TAF1B: variants seen among roughly 807,000 people sequenced by gnomAD.
The protein encoded by TAF1B is TATA box-binding protein-associated factor RNA polymerase I subunit B.
A neutral mutation model predicts 83.9 loss-of-function variants in TAF1B; 61 were observed. That is an observed-to-expected ratio of 0.73 (90% CI 0.59 to 0.90). The LOEUF (loss-of-function observed/expected upper bound fraction) is 0.90, where lower values mean the gene tolerates loss of function less well. TAF1B is among the 40% of genes least tolerant of loss of function. TAF1B has a pLI of 0.00. For missense variants in TAF1B, 625 were observed against 677.0 expected (o/e 0.92, Z 0.85); for synonymous variants, 221 against 224.6 (o/e 0.98, Z 0.14).
Position 9,919,458 on chromosome 2 carries a change from C to CA in TAF1B, c.1343-140_1343-139insA. On this transcript the variant is annotated intron_variant, in intron 13 of 14. Coordinates refer to ENST00000263663, the MANE Select transcript of TAF1B (RefSeq NM_005680.3). ...CTCATCCAGTTTCATTTTCCCTTAA[C>CA]GTTATCCTGTTACATTACTGTGGTA... 3 of 715,806 alleles carry CA rather than the reference C, an allele frequency of 4.2e-6. No homozygotes were observed. In the Admixed American group the frequency reaches 7.9e-5, roughly 19 times the overall value. The allele number at this position is 715,806 out of a possible 1,614,324, so 44.3% of individuals were successfully genotyped here. A position where few individuals can be genotyped will look rare whatever the true frequency, so the allele number is the denominator to read the frequency against.
intron 7 of TAF1B, among the ~76,000 whole-genome samples, chr2:9,879,587 C>T (rs115478232): frequency 1.3e-3 from 203 of 152,094 alleles, no homozygotes; most frequent in African/African-American, 4.6e-3. Context: ...ACTGGCATTC[C>T]GGGTAGAAGG....
At position 9,927,097 on chromosome 2, in the gene TAF1B, AC is replaced by A. The variant is rs533056781; in HGVS notation, c.1566-6685del. 4.3e-3 allele frequency among the ~76,000 whole-genome samples: 517 copies of A among 119,214 alleles called. 1 individual carries two copies. Among genetic ancestry groups the A allele is most frequent in the Middle Eastern group, 0.014 (2 of 142 alleles). The allele number at this position is 119,214 out of a possible 152,430, so 78.2% of individuals were successfully genotyped here. ...CAAGTGTTCTCATTGTTCAATTCCC[AC>A]TTATGAGTGAGAACATATGGTGTTT... On this transcript the variant is annotated intron_variant, in intron 14 of 14. Coordinates refer to ENST00000263663, the MANE Select transcript of TAF1B (RefSeq NM_005680.3).
chr2:9,849,396 T>C lies in TAF1B; in HGVS notation c.141T>C (p.Thr47=), dbSNP rs1270702400. The C allele has an allele frequency of 6.2e-7, 1 of 1,600,308 alleles. No homozygotes were observed. Among genetic ancestry groups the C allele is most frequent in the Non-Finnish European group, 8.5e-7 (1 of 1,174,148 alleles). ...VTERYQEVTN[T]DLIPNTQIKA... ...AGAGATATCAGGAAGTTACAAACACTGATCTTATTCCTAATACCCAAATAA... is the reference window on the plus strand; with the variant it reads ...AGAGATATCAGGAAGTTACAAACACCGATCTTATTCCTAATACCCAAATAA... The change falls in exon 3 of 15, where the codon ACT becomes ACC. Residue 47 remains threonine, a synonymous_variant. Transcript: ENST00000263663.
intron 6 of TAF1B, 111 bp from the exon 7 acceptor site, chr2:9,875,754 C>A: frequency 8.4e-7 from 1 of 1,193,552 alleles, no homozygotes; most frequent in Non-Finnish European, 1.2e-6. Context: ...TGGGTGAGGA[C>A]ACAGCCAAAC....
Position 9,868,371 on chromosome 2 carries a change from GTC to G in TAF1B, c.498_499del (p.Gln167ValfsTer2). On this transcript the variant is annotated frameshift_variant, in exon 6 of 15. Transcript: ENST00000263663. LOFTEE classifies it high-confidence loss of function. Reference sequence around the variant, plus strand: ...CTCCTTTTCTTGAAAGTGGAGCGGAGTCTCAGTCTGACATCCACACTCGAAAA... The same window carrying G: ...CTCCTTTTCTTGAAAGTGGAGCGGAGTCAGTCTGACATCCACACTCGAAAA... ...CPPFLESGAE[S>X]QSDIHTRKPF... The G allele has an allele frequency of 6.2e-7, 1 of 1,614,132 alleles. No individual in the cohort carries two copies. Among genetic ancestry groups the G allele is most frequent in the Middle Eastern group, 1.6e-4 (1 of 6,062 alleles).
chr2:9,912,471 A>G (rs917614246), intron 11 of TAF1B, among the ~76,000 whole-genome samples: 1 of 152,216 alleles, frequency 6.6e-6, no homozygotes, highest in Non-Finnish European at 1.5e-5. Context: ...TGCAAAATAA[A>G]ATACTACTTT....
intron 14 of TAF1B, among the ~76,000 whole-genome samples, chr2:9,922,705 A>G (rs1437426478): frequency 6.6e-6 from 1 of 152,112 alleles, no homozygotes; most frequent in East Asian, 1.9e-4. Context: ...TTGAGAATGT[A>G]AGGACTACTA....
chr2:9,929,640 A>T (rs374349377), intron 14 of TAF1B, among the ~76,000 whole-genome samples: 1 of 152,146 alleles, frequency 6.6e-6, no homozygotes, highest in Non-Finnish European at 1.5e-5. Context: ...TTGATCTAAA[A>T]TTCTCTTTTT....
chr2:9,912,785 G>A (rs1665572947), intron 11 of TAF1B, among the ~76,000 whole-genome samples: 1 of 152,192 alleles, frequency 6.6e-6, no homozygotes, highest in Admixed American at 6.5e-5. Flanking sequence ...GAGTTCTATT[G>A]ATTACTATAG....
intron 14 of TAF1B, among the ~76,000 whole-genome samples, chr2:9,922,041 A>T (rs997559551): frequency 6.6e-6 from 1 of 152,236 alleles, no homozygotes; most frequent in Non-Finnish European, 1.5e-5. Flanking sequence ...TATTTAAAGT[A>T]ATCTCATCCC....
intron 9 of TAF1B, among the ~76,000 whole-genome samples, chr2:9,909,201 G>A (rs1406144071): frequency 6.6e-6 from 1 of 152,162 alleles, no homozygotes; most frequent in Admixed American, 6.5e-5. Context: ...GTGGGTTGTA[G>A]CAGTTAGGAA....
chr2:9,870,721 CTCTT>C lies in TAF1B; in HGVS notation c.553+2293_553+2296del, dbSNP rs142959207. On this transcript the variant is annotated intron_variant, in intron 6 of 14. Transcript: ENST00000263663. ...CATGCATGTGCATTTCTCATTCTCT[CTCTT>C]CTCAATATAATTGCTGTAATTTTTT... Among the ~76,000 whole-genome samples, 427 of 152,262 alleles carry C rather than the reference CTCTT, an allele frequency of 2.8e-3. 2 individuals carry two copies. Among genetic ancestry groups the C allele is most frequent in the African/African-American group, 9.5e-3 (396 of 41,540 alleles).
chr2:9,933,730 G>A, intron 14 of TAF1B, 53 bp from the exon 15 acceptor site: 1 of 1,451,708 alleles, frequency 6.9e-7, no homozygotes, highest in Non-Finnish European at 9.5e-7. Flanking sequence ...GTTAGTGTGT[G>A]CATTTCTTGG....
intron 5 of TAF1B, among the ~76,000 whole-genome samples, chr2:9,863,031 A>T (rs986912159): frequency 1.3e-5 from 2 of 152,240 alleles, no homozygotes; most frequent in Admixed American, 6.5e-5. Flanking sequence ...AAGAAACTGC[A>T]TCAACTAACG....
chr2:9,908,028 CTTTTTTTTTTTTTTTTT>C lies in TAF1B; in HGVS notation c.956-2689_956-2673del, dbSNP rs57261740. Among the ~76,000 whole-genome samples, 26 of 71,768 alleles carry C rather than the reference CTTTTTTTTTTTTTTTTT, an allele frequency of 3.6e-4. 2 individuals carry two copies. The South Asian group carries it at 4.0e-3, about 11-fold the overall frequency. The allele number at this position is 71,768 out of a possible 152,430, so 47.1% of individuals were successfully genotyped here. On this transcript the variant is annotated intron_variant, in intron 9 of 14. Coordinates refer to ENST00000263663, the MANE Select transcript of TAF1B (RefSeq NM_005680.3). ...AGCGGAGCAGTTCAAGATCTTAATT[CTTTTTTTTTTTTTTTTT>C]TTTTTTTTTTTTTTTTTTGAGACAA...
At chr2:9,930,128 C>A (rs1440608083) in intron 14 of TAF1B, among the ~76,000 whole-genome samples, 1 of 133,638 alleles carries the variant, frequency 7.5e-6, no homozygotes, top group Non-Finnish European at 1.7e-5. Flanking sequence ...AAAAAACCAG[C>A]TCCCGGATTC....
intron 8 of TAF1B, among the ~76,000 whole-genome samples, chr2:9,898,475 T>TTAAG (rs1186574822): frequency 6.6e-6 from 1 of 152,224 alleles, no homozygotes; most frequent in Non-Finnish European, 1.5e-5. Context: ...TTATACCTTA[T>TTAAG]TAAGTATGTG....
At chr2:9,929,443 C>G (rs1666146337) in intron 14 of TAF1B, among the ~76,000 whole-genome samples, 1 of 152,168 alleles carries the variant, frequency 6.6e-6, no homozygotes. Context: ...CAGGCGCGAG[C>G]CACCGTGCCT....
intron 6 of TAF1B, among the ~76,000 whole-genome samples, chr2:9,873,620 ATTTTTTT>A (rs540990898): frequency 3.4e-5 from 4 of 117,608 alleles, no homozygotes; most frequent in Admixed American, 8.8e-5. Context: ...ATCAAACTGG[ATTTTTTT>A]TTTTTTTTTT....
Sources: gnomAD v4.1 joint callset for allele counts (sites outside exome capture counted in the v4.1 genomes callset) on GRCh38, gnomAD v4.1.1 for gene constraint, MANE v1.5 for transcripts, NCBI Gene and HGNC (gene_info 2026-07-23, HGNC 2026-07-21) for gene names.